The following PRPF18 variants were observed in gnomAD, a reference collection of about 807,000 sequenced individuals.
The protein encoded by PRPF18 is pre-mRNA-splicing factor 18.
Under a neutral mutation model 46.5 loss-of-function variants are expected in PRPF18, and 38 were observed. The ratio of observed to expected loss-of-function variants is 0.82; its 90% CI spans 0.63 to 1.07. The LOEUF is 1.07. Ranked by LOEUF, PRPF18 falls within the 50% of genes least tolerant of loss-of-function variation. The probability of loss-of-function intolerance (pLI) is 0.00; values close to 1 mark genes in which losing one functional copy is unlikely to be tolerated. For missense variants in PRPF18, 263 were observed against 410.0 expected (o/e 0.64, Z 3.10); for synonymous variants, 152 against 146.7 (o/e 1.04, Z -0.26).
At chr10:13,625,528 G>C (rs2080489966) in intron 9 of PRPF18, among the ~76,000 whole-genome samples, 2 of 152,170 alleles carry the variant, frequency 1.3e-5, no homozygotes, top group African/African-American at 4.8e-5. Flanking sequence ...AACGTTTATA[G>C]CCATTACAAC....
intron 9 of PRPF18, among the ~76,000 whole-genome samples, chr10:13,619,338 G>A (rs757698903): frequency 7.2e-5 from 11 of 152,186 alleles, no homozygotes; most frequent in South Asian, 2.1e-4. Context: ...TTCAGAAAAC[G>A]TTTTTATTTT....
chr10:13,620,120 T>G (rs2080401500), intron 9 of PRPF18, among the ~76,000 whole-genome samples: 1 of 152,144 alleles, frequency 6.6e-6, no homozygotes, highest in African/African-American at 2.4e-5. Context: ...AAAGACAATT[T>G]ATTATGTGAA....
intron 1 of PRPF18, among the ~76,000 whole-genome samples, chr10:13,587,419 G>C (rs2079891672): frequency 6.6e-6 from 1 of 152,186 alleles, no homozygotes; most frequent in Admixed American, 6.5e-5. Context: ...CCTGGGTCTG[G>C]GGGCGGGAAC....
intron 1 of PRPF18, among the ~76,000 whole-genome samples, chr10:13,592,595 T>A (rs568693955): frequency 5.3e-5 from 8 of 152,326 alleles, no homozygotes; most frequent in African/African-American, 1.9e-4. Flanking sequence ...GATATCCTCT[T>A]ACCACCTGTC....
At chr10:13,607,132 C>T (rs1393257012) in intron 4 of PRPF18, among the ~76,000 whole-genome samples, 1 of 152,212 alleles carries the variant, frequency 6.6e-6, no homozygotes, top group African/African-American at 2.4e-5. Flanking sequence ...CACTCCGTCA[C>T]CTACGCTGGA....
At chr10:13,655,259 G>C in the PRPF18 span, 11 of 152,154 alleles carry the variant, frequency 7.2e-5, no homozygotes, top group African/African-American at 2.7e-4. Flanking sequence ...TGTTCCAAAA[G>C]ATCTACCTCA....
chr10:13,646,635 C>G, the PRPF18 span: 1 of 152,636 alleles, frequency 6.6e-6, no homozygotes, highest in African/African-American at 2.4e-5. Flanking sequence ...CCGGCTGGCC[C>G]CCCTGATGGT....
At chr10:13,618,797 A>G (rs991437248) in intron 9 of PRPF18, among the ~76,000 whole-genome samples, 1 of 152,152 alleles carries the variant, frequency 6.6e-6, no homozygotes, top group Non-Finnish European at 1.5e-5. Context: ...TGCTTAATAA[A>G]TATTTGCTAA....
chr10:13,614,236 T>C (rs1378161400), intron 8 of PRPF18, 150 bp downstream of exon 8: 4 of 629,908 alleles, frequency 6.4e-6, no homozygotes, highest in African/African-American at 3.7e-5. Context: ...TTATTTTCTA[T>C]TGTATTTGCC....
intron 1 of PRPF18, among the ~76,000 whole-genome samples, chr10:13,587,456 A>G (rs143770725): frequency 2.5e-4 from 38 of 152,350 alleles, no homozygotes; most frequent in Middle Eastern, 6.8e-3. Flanking sequence ...CCCACGTCCA[A>G]AAGCCAAACC....
rs1564458557 is a variant in PRPF18, at chr10:13,614,004, A to T, written c.721-11A>T. 6.4e-7 allele frequency: 1 copy of T among 1,568,770 alleles called. No individual in the cohort carries two copies. The highest frequency in any genetic ancestry group is 1.2e-5 in the South Asian group (1 of 84,148). On this transcript the variant is annotated splice_polypyrimidine_tract_variant and intron_variant, in intron 7 of 9. Coordinates refer to ENST00000378572, the MANE Select transcript of PRPF18 (RefSeq NM_003675.4). ...TAGTAGCTTCCAAAATTTCTTATTT[A>T]TTTTTTTCAGAATCTTCCTGCTGAT...
At chr10:13,655,817 G>T in the PRPF18 span, 1 of 152,086 alleles carries the variant, frequency 6.6e-6, no homozygotes, top group Non-Finnish European at 1.5e-5. Context: ...CTTCTCCTCA[G>T]TGTCCCTCTC....
chr10:13,587,868 A>G, intron 1 of PRPF18, among the ~76,000 whole-genome samples: 1 of 152,018 alleles, frequency 6.6e-6, no homozygotes, highest in Non-Finnish European at 1.5e-5. Context: ...TTTGTTCAAA[A>G]CGCCAAGGAC....
intron 9 of PRPF18, among the ~76,000 whole-genome samples, chr10:13,617,129 T>C (rs1161386870): frequency 6.6e-6 from 1 of 152,186 alleles, no homozygotes. Flanking sequence ...TTCTCCCTAG[T>C]GGGAAGAAAA....
chr10:13,648,500 A>C, the PRPF18 span: 7 of 152,210 alleles, frequency 4.6e-5, no homozygotes, highest in African/African-American at 1.4e-4. Context: ...CGTGGGGGCC[A>C]GGGGACAAGG....
chr10:13,607,706 A>T (rs897537746), intron 4 of PRPF18, among the ~76,000 whole-genome samples: 1 of 152,136 alleles, frequency 6.6e-6, no homozygotes, highest in East Asian at 1.9e-4. Context: ...ATTTTAATGA[A>T]GTCCAATTTA....
chr10:13,651,676 A>G, the PRPF18 span: 1 of 542,460 alleles, frequency 1.8e-6, no homozygotes, highest in South Asian at 2.2e-5. Context: ...CTGTCTCAAA[A>G]CAAAACATAC....
At chr10:13,603,649 C>T (rs1459148447) in intron 3 of PRPF18, among the ~76,000 whole-genome samples, 1 of 152,138 alleles carries the variant, frequency 6.6e-6, no homozygotes, top group African/African-American at 2.4e-5. Context: ...GTAGTCTCTT[C>T]CTGTTCGACC....
chr10:13,613,223 A>G (rs1026992528), intron 6 of PRPF18, among the ~76,000 whole-genome samples: 1 of 149,460 alleles, frequency 6.7e-6, no homozygotes, highest in African/African-American at 2.5e-5. Flanking sequence ...GTTAAACCCA[A>G]GGGGCACTGA....
Sources: allele counts gnomAD v4.1 joint callset (sites outside exome capture counted in the v4.1 genomes callset), GRCh38; gene constraint gnomAD v4.1.1; transcripts MANE v1.5; gene names NCBI Gene and HGNC (gene_info 2026-07-23, HGNC 2026-07-21).